CRIPTO: variants seen among roughly 807,000 people sequenced by gnomAD.
CRIPTO encodes the protein cripto, EGF-CFC family member, also known as protein Cripto.
At chr3:46,579,328 G>A in the CRIPTO span, 26 of 1,613,908 alleles carry the variant, frequency 1.6e-5, no homozygotes, top group African/African-American at 2.0e-4. Flanking sequence ...ATTCGGCCTC[G>A]GTCTTCCCAG....
the CRIPTO span, chr3:46,581,489 T>C: frequency 4.9e-6 from 3 of 610,254 alleles, no homozygotes; most frequent in Non-Finnish European, 5.8e-6. Flanking sequence ...CATATCTCCA[T>C]TGTGCCTAAG....
chr3:46,577,747 C>A, the CRIPTO span: 6 of 589,406 alleles, frequency 1.0e-5, no homozygotes, highest in Non-Finnish European at 1.8e-5. Context: ...AAGGCTGAGT[C>A]TCCAGCTCAA....
chr3:46,578,195 C>A, the CRIPTO span, among the ~76,000 whole-genome samples: 1 of 152,178 alleles, frequency 6.6e-6, no homozygotes, highest in African/African-American at 2.4e-5. Flanking sequence ...TGGCTTTTAA[C>A]ATTTTCGTGT....
At chr3:46,575,118 G>C in the CRIPTO span, among the ~76,000 whole-genome samples, 1 of 152,208 alleles carries the variant, frequency 6.6e-6, no homozygotes, top group Non-Finnish European at 1.5e-5. Flanking sequence ...TTTCAACAGT[G>C]ACCAAGCAGA....
the CRIPTO span, among the ~76,000 whole-genome samples, chr3:46,575,957 C>T: frequency 3.9e-5 from 6 of 152,304 alleles, no homozygotes; most frequent in South Asian, 2.1e-4. Flanking sequence ...CCCCCACCTC[C>T]GGCCTCCTAG....
the CRIPTO span, among the ~76,000 whole-genome samples, chr3:46,580,349 G>T: frequency 6.6e-6 from 1 of 152,044 alleles, no homozygotes; most frequent in Admixed American, 6.6e-5. Flanking sequence ...AACAAGTCTC[G>T]GTCTCTTGTT....
chr3:46,580,107 T>G, the CRIPTO span: 4 of 1,613,796 alleles, frequency 2.5e-6, no homozygotes, highest in East Asian at 8.9e-5. Context: ...AGTTACGTAG[T>G]TGCCTTGGGG....
the CRIPTO span, chr3:46,579,259 C>T: frequency 1.2e-6 from 2 of 1,614,130 alleles, no homozygotes; most frequent in Non-Finnish European, 1.7e-6. Context: ...TTTGCTCGTC[C>T]ATCTCGGGGA....
At chr3:46,581,070 T>C in the CRIPTO span, 5 of 1,237,354 alleles carry the variant, frequency 4.0e-6, no homozygotes, top group Non-Finnish European at 4.8e-6. Context: ...GCCACATTTG[T>C]GGGCAGCAGG....
chr3:46,576,480 CAAAAAAAA>C, the CRIPTO span, among the ~76,000 whole-genome samples: 138 of 55,032 alleles, frequency 2.5e-3, no homozygotes, highest in South Asian at 8.7e-3. Context: ...GACTCTGTCG[CAAAAAAAA>C]AAAAAAAAAA....
the CRIPTO span, among the ~76,000 whole-genome samples, chr3:46,575,357 G>A: frequency 1.3e-5 from 2 of 152,074 alleles, no homozygotes; most frequent in African/African-American, 2.4e-5. Context: ...CAGCCCAACG[G>A]CAAATATCTA....
chr3:46,575,020 G>C, the CRIPTO span, among the ~76,000 whole-genome samples: 2 of 152,186 alleles, frequency 1.3e-5, no homozygotes, highest in Non-Finnish European at 2.9e-5. Flanking sequence ...TGTGATTGGG[G>C]AACCCCCGTT....
At chr3:46,581,573 G>C in the CRIPTO span, 1 of 576,718 alleles carries the variant, frequency 1.7e-6, no homozygotes, top group Non-Finnish European at 3.0e-6. Context: ...GCAATGACGC[G>C]ATCTTGGTTC....
At chr3:46,579,854 G>A in the CRIPTO span, 73 of 1,614,044 alleles carry the variant, frequency 4.5e-5, no homozygotes, top group Non-Finnish European at 1.4e-5. Context: ...TGCGCAAAGA[G>A]TAAGCAATTC....
At chr3:46,579,893 G>GA in the CRIPTO span, 1 of 1,614,190 alleles carries the variant, frequency 6.2e-7, no homozygotes, top group Non-Finnish European at 8.5e-7. Context: ...GGAGAGGAGA[G>GA]AGAAAGGGAA....
the CRIPTO span, chr3:46,581,123 A>G: frequency 6.2e-7 from 1 of 1,610,338 alleles, no homozygotes; most frequent in East Asian, 2.2e-5. Flanking sequence ...AAGCATCCCT[A>G]CCTTCCAGAT....
chr3:46,580,894 G>A, the CRIPTO span, among the ~76,000 whole-genome samples: 2 of 152,322 alleles, frequency 1.3e-5, 1 homozygote, highest in South Asian at 4.1e-4. Flanking sequence ...ATAAGTGTGG[G>A]TTGGGTGATT....
chr3:46,580,135 C>A, the CRIPTO span: 4 of 1,593,534 alleles, frequency 2.5e-6, no homozygotes, highest in Admixed American at 5.1e-5. Context: ...AGTTAGCAGG[C>A]TCTCCTTGTA....
At chr3:46,579,070 C>T in the CRIPTO span, 1 of 1,613,948 alleles carries the variant, frequency 6.2e-7, no homozygotes, top group Non-Finnish European at 8.5e-7. Context: ...GTTTGGCTAA[C>T]TCATGTCTGA....
Sources: allele counts gnomAD v4.1 joint callset (sites outside exome capture counted in the v4.1 genomes callset), GRCh38; gene constraint gnomAD v4.1.1; transcripts MANE v1.5; gene names NCBI Gene and HGNC (gene_info 2026-07-23, HGNC 2026-07-21).